The following AGMO variants were observed in gnomAD, a reference collection of about 807,000 sequenced individuals.
AGMO encodes glyceryl-ether monooxygenase.
Under a neutral mutation model 60.2 loss-of-function variants are expected in AGMO, and 75 were observed. The observed-to-expected ratio is 1.25, with a 90% CI of 1.03 to 1.51. AGMO has a LOEUF of 1.51. Ranked by LOEUF, AGMO falls within the 40% of genes most tolerant of loss-of-function variation. The pLI is 0.00. For missense variants in AGMO, 763 were observed against 525.5 expected, an observed-to-expected ratio of 1.45 and a Z score of -4.42; for synonymous variants, 261 against 177.1, an observed-to-expected ratio of 1.47 and a Z score of -3.76.
At chr7:15,282,392 C>T (rs1165530489) in intron 12 of AGMO, among the ~76,000 whole-genome samples, 1 of 151,934 alleles carries the variant, frequency 6.6e-6, no homozygotes, top group African/African-American at 2.4e-5. Context: ...ACCAATCAAG[C>T]TTCTGGAAAT....
intron 12 of AGMO, among the ~76,000 whole-genome samples, chr7:15,217,842 T>G (rs1781789346): frequency 6.6e-6 from 1 of 152,028 alleles, no homozygotes; most frequent in Non-Finnish European, 1.5e-5. Context: ...GGTATATAAA[T>G]GGCACACTGT....
At chr7:15,407,558 G>T (rs888197179) in intron 5 of AGMO, among the ~76,000 whole-genome samples, 1 of 151,586 alleles carries the variant, frequency 6.6e-6, no homozygotes, top group Non-Finnish European at 1.5e-5. Flanking sequence ...CTGATTCAGG[G>T]TAGTAGCAAA....
Position 15,533,982 on chromosome 7 carries a change from C to T in AGMO, c.409+10790G>A, listed in dbSNP as rs368805930. Among the ~76,000 whole-genome samples the T allele has an allele frequency of 2.5e-4, 38 of 151,946 alleles. No individual in the cohort carries two copies. The East Asian group carries it at 3.3e-3, about 13-fold the overall frequency. On this transcript the variant is annotated intron_variant, in intron 3 of 12. Coordinates refer to ENST00000342526, the MANE Select transcript of AGMO (RefSeq NM_001004320.2). ...TTTTATTACCAAGATTTGCAGATTT[C>T]GAGAGAATAAAACTATATACTATAC...
At chr7:15,274,387 TG>T (rs1783715371) in intron 12 of AGMO, among the ~76,000 whole-genome samples, 1 of 152,220 alleles carries the variant, frequency 6.6e-6, no homozygotes, top group Non-Finnish European at 1.5e-5. Flanking sequence ...ATGCGGTTTT[TG>T]TCTTTCGTTC....
rs1483132884 is a variant in AGMO, at chr7:15,354,420, A to G, written c.1263+11094T>C. On this transcript the variant is annotated intron_variant, in intron 12 of 12. Coordinates refer to ENST00000342526, the MANE Select transcript of AGMO (RefSeq NM_001004320.2). ...CACGTGTGTGTACACACGTGTGTGT[A>G]TACACACACGTGTGTGTATACACAC... 1.0e-3 allele frequency among the ~76,000 whole-genome samples: 6 copies of G among 5,946 alleles called. 1 individual carries two copies. The highest frequency in any genetic ancestry group is 1.5e-3 in the Non-Finnish European group (5 of 3,296). 3.9% of individuals were successfully genotyped at this position (5,946 alleles called of 152,430 possible). A position where few individuals can be genotyped will look rare whatever the true frequency, so the allele number is the denominator to read the frequency against.
chr7:15,301,793 G>A (rs966783588), intron 12 of AGMO, among the ~76,000 whole-genome samples: 38 of 152,142 alleles, frequency 2.5e-4, no homozygotes, highest in African/African-American at 8.7e-4. Context: ...AAACACTGTT[G>A]TATAATATAA....
intron 12 of AGMO, among the ~76,000 whole-genome samples, chr7:15,342,172 TAAAAAAAAA>T (rs775057626): frequency 2.6e-4 from 14 of 54,302 alleles, no homozygotes; most frequent in East Asian, 2.2e-3. Context: ...CCCACAGAGT[TAAAAAAAAA>T]AAAAAAAAAA....
At chr7:15,364,740 T>G (rs1782905115) in intron 12 of AGMO, among the ~76,000 whole-genome samples, 1 of 152,076 alleles carries the variant, frequency 6.6e-6, no homozygotes, top group Non-Finnish European at 1.5e-5. Context: ...CAATATTAAA[T>G]AATGAAAGTG....
At chr7:15,153,817 G>C in the AGMO span, among the ~76,000 whole-genome samples, 1 of 152,008 alleles carries the variant, frequency 6.6e-6, no homozygotes, top group East Asian at 1.9e-4. Context: ...TTTTGGCTAT[G>C]CAAGCTATTT....
At chr7:15,184,205 C>A in the AGMO span, among the ~76,000 whole-genome samples, 343 of 142,360 alleles carry the variant, frequency 2.4e-3, 1 homozygote, top group African/African-American at 8.5e-3. Context: ...TGTCATATTT[C>A]TTTGGAAAAA....
At chr7:15,406,231 A>G (rs1176229676) in intron 5 of AGMO, among the ~76,000 whole-genome samples, 1 of 85,046 alleles carries the variant, frequency 1.2e-5, no homozygotes, top group Non-Finnish European at 3.1e-5. Context: ...TTTGGAATAC[A>G]CACACACACA....
At chr7:15,278,221 C>A (rs910797216) in intron 12 of AGMO, among the ~76,000 whole-genome samples, 2 of 152,138 alleles carry the variant, frequency 1.3e-5, no homozygotes, top group Non-Finnish European at 2.9e-5. Context: ...TGCAGTAACA[C>A]TGCTGCTTCA....
downstream of AGMO, among the ~76,000 whole-genome samples, chr7:15,196,482 T>C (rs1781119447): frequency 6.6e-6 from 1 of 152,222 alleles, no homozygotes; most frequent in African/African-American, 2.4e-5. Flanking sequence ...AGAAACAATA[T>C]TCTCTCACAC....
chr7:15,485,143 A>C (rs1190136629), intron 3 of AGMO, among the ~76,000 whole-genome samples: 1 of 47,840 alleles, frequency 2.1e-5, no homozygotes, highest in Non-Finnish European at 3.2e-5. Context: ...CTAAAAATAC[A>C]AAAAAAAAAA....
chr7:15,224,327 T>C (rs1244052763), intron 12 of AGMO, among the ~76,000 whole-genome samples: 1 of 152,016 alleles, frequency 6.6e-6, no homozygotes, highest in East Asian at 1.9e-4. Context: ...GATGGTATTA[T>C]GAGGAGGTAA....
At chr7:15,376,762 G>C (rs1036524655) in intron 10 of AGMO, among the ~76,000 whole-genome samples, 2 of 151,938 alleles carry the variant, frequency 1.3e-5, no homozygotes, top group Admixed American at 6.6e-5. Context: ...ATCACCCCAG[G>C]AAGTGGACAC....
intron 3 of AGMO, among the ~76,000 whole-genome samples, chr7:15,486,319 T>C (rs2128519394): frequency 6.6e-6 from 1 of 152,272 alleles, no homozygotes; most frequent in Middle Eastern, 3.4e-3. Flanking sequence ...GGAAGAGATG[T>C]GGCTATGTAC....
At chr7:15,445,534 G>T (rs756770108) in intron 3 of AGMO, among the ~76,000 whole-genome samples, 6 of 152,116 alleles carry the variant, frequency 3.9e-5, no homozygotes, top group South Asian at 2.1e-4. Context: ...TACCTCATTT[G>T]CTCATAATTA....
chr7:15,331,154 T>C (rs931397323), intron 12 of AGMO, among the ~76,000 whole-genome samples: 12 of 152,156 alleles, frequency 7.9e-5, no homozygotes, highest in African/African-American at 2.7e-4. Context: ...GCCTTGTAAT[T>C]GGATCCTTCT....
Sources: gnomAD v4.1 joint callset for allele counts (sites outside exome capture counted in the v4.1 genomes callset) on GRCh38, gnomAD v4.1.1 for gene constraint, MANE v1.5 for transcripts, NCBI Gene and HGNC (gene_info 2026-07-23, HGNC 2026-07-21) for gene names.